Variants in MEGF11 observed in about 807,000 individuals in gnomAD.
MEGF11 encodes the protein multiple epidermal growth factor-like domains protein 11.
In MEGF11, 126 loss-of-function variants were observed where a neutral mutation model predicts 146.6. The observed-to-expected ratio is 0.86, with a 90% CI of 0.74 to 1.00. MEGF11 has a LOEUF of 1.00. Among genes scored for constraint, MEGF11 ranks in the 50% least tolerant of loss-of-function variants. The pLI, the probability that MEGF11 is intolerant of heterozygous loss-of-function variation, is 0.00. For synonymous variants in MEGF11, 532 were observed against 583.4 expected (o/e 0.91, Z 1.27); for missense variants, 1,509 against 1,521.2 (o/e 0.99, Z 0.13).
intron 15 of MEGF11, among the ~76,000 whole-genome samples, chr15:65,920,452 G>A (rs1289056253): frequency 6.6e-6 from 1 of 152,198 alleles, no homozygotes; most frequent in East Asian, 1.9e-4. Flanking sequence ...GGAGTAGGGT[G>A]CCAGAGCTGC....
At chr15:66,138,483 A>G (rs2088995040) in intron 1 of MEGF11, among the ~76,000 whole-genome samples, 1 of 152,222 alleles carries the variant, frequency 6.6e-6, no homozygotes, top group Admixed American at 6.5e-5. Context: ...TCAGGTATTC[A>G]GATTTTTAAA....
At chr15:65,947,962 A>G (rs958515064) in intron 10 of MEGF11, among the ~76,000 whole-genome samples, 1 of 152,208 alleles carries the variant, frequency 6.6e-6, no homozygotes, top group African/African-American at 2.4e-5. Context: ...TTAGAGTAGA[A>G]GAGTCAGCAG....
At chr15:66,054,335 C>A (rs901441011) in intron 5 of MEGF11, among the ~76,000 whole-genome samples, 2 of 152,218 alleles carry the variant, frequency 1.3e-5, no homozygotes, top group African/African-American at 4.8e-5. Context: ...TCCATGAGGG[C>A]CTCTCACAGC....
chr15:66,155,486 A>T (rs988221349), intron 1 of MEGF11, among the ~76,000 whole-genome samples: 2 of 152,184 alleles, frequency 1.3e-5, no homozygotes, highest in Non-Finnish European at 2.9e-5. Context: ...GACTTCCTCC[A>T]GTCTCCCGGC....
intron 5 of MEGF11, among the ~76,000 whole-genome samples, chr15:66,083,777 C>T (rs375744026): frequency 6.6e-6 from 1 of 152,116 alleles, no homozygotes; most frequent in African/African-American, 2.4e-5. Flanking sequence ...ATTAGCCCAG[C>T]ATGGCGACAC....
At chr15:66,236,223 C>A (rs556340819) in intron 1 of MEGF11, among the ~76,000 whole-genome samples, 1 of 152,218 alleles carries the variant, frequency 6.6e-6, no homozygotes, top group South Asian at 2.1e-4. Context: ...GGACCAGAAG[C>A]GGCTTGGTGC....
At chr15:65,968,813 C>A (rs117108994) in intron 8 of MEGF11, among the ~76,000 whole-genome samples, 1 of 152,196 alleles carries the variant, frequency 6.6e-6, no homozygotes, top group Non-Finnish European at 1.5e-5. Context: ...GCAAAGCCCT[C>A]GTTACATTTC....
At chr15:66,155,432 G>C (rs143161121) in intron 1 of MEGF11, among the ~76,000 whole-genome samples, 7 of 152,232 alleles carry the variant, frequency 4.6e-5, no homozygotes, top group Admixed American at 1.3e-4. Flanking sequence ...ATTTAGGATG[G>C]GGTGCACACA....
chr15:66,197,780 T>C (rs2091047215), intron 1 of MEGF11, among the ~76,000 whole-genome samples: 1 of 152,224 alleles, frequency 6.6e-6, no homozygotes, highest in Admixed American at 6.5e-5. Context: ...TGTCCTTCAT[T>C]GTGTCCTAAC....
chr15:65,928,548 G>A, intron 12 of MEGF11, 21 bp from the exon 13 acceptor site: 2 of 1,547,940 alleles, frequency 1.3e-6, no homozygotes, highest in Admixed American at 1.8e-5. Flanking sequence ...GACAGGGAGA[G>A]AAAAATGATC....
chr15:66,245,136 G>A (rs374922950), intron 1 of MEGF11, among the ~76,000 whole-genome samples: 28 of 152,282 alleles, frequency 1.8e-4, no homozygotes, highest in Middle Eastern at 3.4e-3. Flanking sequence ...AAAGGAAAGG[G>A]TGATTTGGAT....
At chr15:65,919,515 C>G (rs962268594) in intron 15 of MEGF11, among the ~76,000 whole-genome samples, 1 of 151,940 alleles carries the variant, frequency 6.6e-6, no homozygotes, top group Admixed American at 6.6e-5. Flanking sequence ...ATGTACATGT[C>G]TTGATTAAAA....
chr15:65,931,657 C>T (rs1012604176), intron 10 of MEGF11, among the ~76,000 whole-genome samples: 5 of 152,274 alleles, frequency 3.3e-5, no homozygotes, highest in African/African-American at 1.2e-4. Flanking sequence ...TGTATTAGGT[C>T]GAAGAAGCAC....
chr15:65,985,091 G>T (rs1376220219), intron 5 of MEGF11, among the ~76,000 whole-genome samples: 1 of 152,182 alleles, frequency 6.6e-6, no homozygotes, highest in Admixed American at 6.5e-5. Flanking sequence ...TTTAAAAGCT[G>T]CCTGTGTGCC....
At chr15:66,023,143 A>AAAAAAAAAAAAAAAC (rs2083213007) in intron 5 of MEGF11, among the ~76,000 whole-genome samples, 1 of 151,050 alleles carries the variant, frequency 6.6e-6, no homozygotes, top group Non-Finnish European at 1.5e-5. Flanking sequence ...TCCATCTCAA[A>AAAAAAAAAAAAAAAC]AAAAAAAAAA....
chr15:66,034,658 G>A (rs535511333), intron 5 of MEGF11, among the ~76,000 whole-genome samples: 151 of 152,186 alleles, frequency 9.9e-4, no homozygotes, highest in African/African-American at 3.4e-3. Context: ...GAACTCAAGC[G>A]ATCCTTGCAC....
chr15:66,169,172 C>T (rs1489340346), intron 1 of MEGF11, among the ~76,000 whole-genome samples: 2 of 152,226 alleles, frequency 1.3e-5, no homozygotes, highest in South Asian at 2.1e-4. Context: ...TGTGGTTTCA[C>T]GGAGGTGCAC....
intron 17 of MEGF11, 161 bp downstream of exon 17, chr15:65,916,667 C>G: frequency 7.8e-7 from 1 of 1,285,924 alleles, no homozygotes; most frequent in African/African-American, 1.5e-5. Context: ...TGGAGCTGCC[C>G]CTGCAGAGCT....
chr15:66,068,088 T>C (rs754715340), intron 5 of MEGF11, among the ~76,000 whole-genome samples: 18 of 152,186 alleles, frequency 1.2e-4, no homozygotes, highest in Non-Finnish European at 2.1e-4. Flanking sequence ...AGCTAGTTCA[T>C]GGAAAAATAA....
Sources: gnomAD v4.1 joint callset for allele counts (sites outside exome capture counted in the v4.1 genomes callset) on GRCh38, gnomAD v4.1.1 for gene constraint, MANE v1.5 for transcripts, NCBI Gene and HGNC (gene_info 2026-07-23, HGNC 2026-07-21) for gene names.